NCAM1: variants seen among roughly 807,000 people sequenced by gnomAD.
NCAM1 encodes the protein antigen recognized by monoclonal antibody 5.1H11.
Under a neutral mutation model 109.8 loss-of-function variants are expected in NCAM1, and 14 were observed. That is an observed-to-expected ratio of 0.13 (90% CI 0.08 to 0.20). NCAM1 has a LOEUF of 0.20. NCAM1 is among the 10% of genes least tolerant of loss of function. NCAM1 has a pLI of 1.00. For synonymous variants in NCAM1, 418 were observed against 442.9 expected, an observed-to-expected ratio of 0.94 and a Z score of 0.70; for missense variants, 774 against 1,109.9, an observed-to-expected ratio of 0.70 and a Z score of 4.30.
chr11:113,044,893 ACAGGCACC>A (rs1953210867), intron 1 of NCAM1, among the ~76,000 whole-genome samples: 2 of 151,838 alleles, frequency 1.3e-5, no homozygotes, highest in Non-Finnish European at 2.9e-5. Flanking sequence ...AGCTGGGACT[ACAGGCACC>A]CGCCACGACG....
chr11:113,274,892 G>A lies in NCAM1; in HGVS notation c.2457-375G>A, dbSNP rs1232615198. Among the ~76,000 whole-genome samples the A allele has an allele frequency of 6.6e-6, 1 of 152,186 alleles. No individual in the cohort carries two copies. The highest frequency in any genetic ancestry group is 1.5e-5 in the Non-Finnish European group (1 of 68,030). ...GCTGTTGCCACTGCAGCTGGTCAGG[G>A]TGAGGAGGAGCTGCCTCTGCTGCCC... On this transcript the variant is annotated intron_variant, in intron 19 of 19. Coordinates refer to ENST00000316851, the MANE Select transcript of NCAM1 (RefSeq NM_181351.5). The surrounding 1 kb of genome is among the most constrained non-coding windows in gnomAD (Gnocchi z 4.1).
intron 1 of NCAM1, among the ~76,000 whole-genome samples, chr11:112,976,548 A>G (rs1468102297): frequency 1.3e-5 from 2 of 151,892 alleles, no homozygotes; most frequent in African/African-American, 2.4e-5. Flanking sequence ...AGTGCCTTGG[A>G]CTAGCTGGAC....
Position 113,273,563 on chromosome 11 carries a change from C to G in NCAM1, c.2456+1687C>G. On this transcript the variant is annotated intron_variant, in intron 19 of 19. Coordinates refer to ENST00000316851, the MANE Select transcript of NCAM1 (RefSeq NM_181351.5). This position sits in a 1 kb window ranked among gnomAD's most constrained non-coding sequence, Gnocchi z 6.0. The stretch of plus-strand genomic sequence containing the variant: ...AGGCTGCCTCCGTCAGCACCACAAA[C>G]CCTTCCCAGGGCGAGGACTTTAAAA... 1 of 404,858 alleles carries G rather than the reference C, an allele frequency of 2.5e-6. No individual in the cohort carries two copies. Among genetic ancestry groups the G allele is most frequent in the South Asian group, 1.7e-5 (1 of 57,352 alleles). The allele number at this position is 404,858 out of a possible 1,614,324, so 25.1% of individuals were successfully genotyped here. A position where few individuals can be genotyped will look rare whatever the true frequency, so the allele number is the denominator to read the frequency against.
intron 15 of NCAM1, among the ~76,000 whole-genome samples, chr11:113,254,808 T>G (rs1945793987): frequency 6.6e-6 from 1 of 152,220 alleles, no homozygotes; most frequent in Non-Finnish European, 1.5e-5. Flanking sequence ...TCTGAGGTTA[T>G]GAAATAGATG....
chr11:113,142,289 C>T (rs1941858637), intron 1 of NCAM1, among the ~76,000 whole-genome samples: 1 of 152,120 alleles, frequency 6.6e-6, no homozygotes, highest in Non-Finnish European at 1.5e-5. Context: ...CATGAGCAGG[C>T]TTTTTGACAT....
intron 1 of NCAM1, chr11:113,041,211 T>C (rs1555079915): frequency 6.6e-6 from 1 of 152,232 alleles, no homozygotes; most frequent in Admixed American, 6.5e-5. Context: ...TTTACTGTCT[T>C]ATTTTTTTCA....
chr11:113,129,155 C>T (rs1941297776), intron 1 of NCAM1, among the ~76,000 whole-genome samples: 1 of 152,140 alleles, frequency 6.6e-6, no homozygotes, highest in African/African-American at 2.4e-5. Flanking sequence ...TCTCCTTTCA[C>T]TTCTGGATTG....
intron 11 of NCAM1, 40 bp from the exon 12 acceptor site, chr11:113,232,678 C>T (rs1945046307): frequency 6.8e-7 from 1 of 1,475,706 alleles, no homozygotes; most frequent in Non-Finnish European, 9.5e-7. Flanking sequence ...GTGACCATCC[C>T]ATAGGACACT....
intron 1 of NCAM1, among the ~76,000 whole-genome samples, chr11:113,037,029 C>T (rs1422278388): frequency 4.6e-5 from 7 of 152,152 alleles, no homozygotes; most frequent in East Asian, 3.9e-4. Flanking sequence ...CTTATTAATA[C>T]GACTTCCAAA....
In NCAM1 at chr11:113,241,792, A is replaced by G. The variant is rs549705316; in HGVS notation, c.1826-4576A>G. 2.0e-5 allele frequency among the ~76,000 whole-genome samples: 3 copies of G among 152,332 alleles called. No individual in the cohort carries two copies. In the South Asian group the frequency reaches 6.2e-4, roughly 32 times the overall value. ...TGCCAGCATCTGCCCAGAGTGGCAG[A>G]CAGCAGCAAATGGGCAGGCAGGGTG... On this transcript the variant is annotated intron_variant, in intron 14 of 19. Coordinates refer to ENST00000316851, the MANE Select transcript of NCAM1 (RefSeq NM_181351.5).
chr11:113,182,629 AG>A (rs1943368439), intron 1 of NCAM1, among the ~76,000 whole-genome samples: 1 of 152,176 alleles, frequency 6.6e-6, no homozygotes, highest in Non-Finnish European at 1.5e-5. Flanking sequence ...GTTCCTCCAG[AG>A]CAGCAGCAGC....
rs145603008 is a variant in NCAM1, at chr11:113,122,732, C to T, written c.53-79647C>T. 2.0e-5 allele frequency among the ~76,000 whole-genome samples: 3 copies of T among 152,144 alleles called. No homozygotes were observed. In the East Asian group the frequency reaches 5.8e-4, roughly 29 times the overall value. On this transcript the variant is annotated intron_variant, in intron 1 of 19. Transcript: ENST00000316851. ...CCAGGAGGCAGTGGTTACAGTGAGC[C>T]GAGATTGCACCGTTGCACTCCAGCC...
chr11:113,240,614 G>A, intron 14 of NCAM1: 1 of 658,446 alleles, frequency 1.5e-6, no homozygotes, highest in Non-Finnish European at 2.7e-6. Flanking sequence ...AGAGAGCCCT[G>A]CTCCTCGCTA....
At chr11:113,130,587 G>T (rs1177304792) in intron 1 of NCAM1, 1 of 152,080 alleles carries the variant, frequency 6.6e-6, no homozygotes, top group Non-Finnish European at 1.5e-5. Context: ...CCAATGACTG[G>T]GCTGTAGATA....
chr11:113,161,638 G>C (rs1438668047), intron 1 of NCAM1, among the ~76,000 whole-genome samples: 4 of 152,178 alleles, frequency 2.6e-5, no homozygotes, highest in African/African-American at 9.7e-5. Flanking sequence ...TGCCTGTTGA[G>C]TATGGTCAGT....
At position 113,204,301 on chromosome 11, in the gene NCAM1, A is replaced by G; in HGVS notation, c.143A>G (p.Lys48Arg). 1 of 1,612,052 alleles carries G rather than the reference A, an allele frequency of 6.2e-7. No individual in the cohort carries two copies. Among genetic ancestry groups the G allele is most frequent in the Non-Finnish European group, 8.5e-7 (1 of 1,179,084 alleles). ...TCCTCTTTAGTGGCAGGAGATGCCAAAGATAAAGACATCTCCTGGTTCTCC... is the reference window on the plus strand; with the variant it reads ...TCCTCTTTAGTGGCAGGAGATGCCAGAGATAAAGACATCTCCTGGTTCTCC... Reference protein sequence around the residue: ...FFLCQVAGDAKDKDISWFSPN... With the variant: ...FFLCQVAGDARDKDISWFSPN... Residue 48 changes from lysine (K) to arginine (R), a missense_variant, in exon 3 of 20, where the codon AAA (lysine) becomes AGA (arginine). Coordinates refer to ENST00000316851, the MANE Select transcript of NCAM1 (RefSeq NM_181351.5).
intron 1 of NCAM1, among the ~76,000 whole-genome samples, chr11:113,177,914 T>G (rs1943218154): frequency 6.6e-6 from 1 of 151,906 alleles, no homozygotes; most frequent in Non-Finnish European, 1.5e-5. Flanking sequence ...CTCCCTTCAC[T>G]CCCTCAAAAG....
chr11:113,120,870 T>A (rs2136031822), intron 1 of NCAM1, among the ~76,000 whole-genome samples: 1 of 152,282 alleles, frequency 6.6e-6, no homozygotes, highest in African/African-American at 2.4e-5. Flanking sequence ...TGTAAATGAA[T>A]GAGGCTGAAG....
At chr11:113,263,961 A>G (rs1946077049) in intron 17 of NCAM1, 1 of 985,312 alleles carries the variant, frequency 1.0e-6, no homozygotes, top group South Asian at 4.7e-5. Flanking sequence ...GCGTTGGTTC[A>G]GTGACATTTT....
Sources: allele counts gnomAD v4.1 joint callset (sites outside exome capture counted in the v4.1 genomes callset), GRCh38; gene constraint gnomAD v4.1.1; non-coding constraint Gnocchi (gnomAD v3.1); transcripts MANE v1.5; gene names NCBI Gene and HGNC (gene_info 2026-07-23, HGNC 2026-07-21).